NUSAP1: variants seen among roughly 807,000 people sequenced by gnomAD.
NUSAP1 encodes the protein nucleolar and spindle associated protein 1.
A neutral mutation model predicts 52.8 loss-of-function variants in NUSAP1; 32 were observed. The ratio of observed to expected loss-of-function variants is 0.61; its 90% CI spans 0.46 to 0.81. NUSAP1 has a LOEUF of 0.81. Ranked by LOEUF, NUSAP1 falls within the 40% of genes least tolerant of loss-of-function variation. NUSAP1 has a pLI of 0.00. For missense variants in NUSAP1, 499 were observed against 522.3 expected (o/e 0.96, Z 0.43); for synonymous variants, 195 against 183.1 (o/e 1.06, Z -0.52).
In NUSAP1 at chr15:41,353,650, A is replaced by G. The variant is rs1167626221; in HGVS notation, c.449-2389A>G. ...TCAGTGGTTGAAAGAAAAGAAAAAA[A>G]TAATTAAAAAGAGATGAAAGCTCAT... On this transcript the variant is annotated intron_variant, in intron 4 of 10. Coordinates refer to ENST00000559596, the MANE Select transcript of NUSAP1 (RefSeq NM_016359.5). Among the ~76,000 whole-genome samples, 10 of 152,358 alleles carry G rather than the reference A, an allele frequency of 6.6e-5. No homozygotes were observed. In the South Asian group the frequency reaches 1.9e-3, roughly 28 times the overall value.
At chr15:41,367,801 C>G (rs558354802) in intron 7 of NUSAP1, among the ~76,000 whole-genome samples, 1 of 152,288 alleles carries the variant, frequency 6.6e-6, no homozygotes, top group East Asian at 1.9e-4. Flanking sequence ...GCGGGCAGAT[C>G]TGATTCTGGT....
At chr15:41,354,950 G>A (rs1003291956) in intron 4 of NUSAP1, among the ~76,000 whole-genome samples, 3 of 150,658 alleles carry the variant, frequency 2.0e-5, no homozygotes, top group African/African-American at 7.3e-5. Context: ...AACCCGGGAG[G>A]TGGAGCTTGC....
chr15:41,335,029 T>C (rs1324581906), intron 1 of NUSAP1, among the ~76,000 whole-genome samples: 1 of 152,072 alleles, frequency 6.6e-6, no homozygotes, highest in Non-Finnish European at 1.5e-5. Flanking sequence ...TTCTCTCTAC[T>C]TTTTTAGGTT....
intron 2 of NUSAP1, chr15:41,343,535 G>A (rs567001519): frequency 6.6e-6 from 1 of 152,280 alleles, no homozygotes; most frequent in African/African-American, 2.4e-5. Flanking sequence ...TGTATTTTTA[G>A]TAGACACAGG....
At position 41,351,145 on chromosome 15, in the gene NUSAP1, A is replaced by G; in HGVS notation, c.448+16A>G. 6.2e-7 allele frequency: 1 copy of G among 1,602,402 alleles called. No individual in the cohort carries two copies. Among genetic ancestry groups the G allele is most frequent in the Non-Finnish European group, 8.5e-7 (1 of 1,176,934 alleles). On this transcript the variant is annotated intron_variant, in intron 4 of 10. Coordinates refer to ENST00000559596, the MANE Select transcript of NUSAP1 (RefSeq NM_016359.5). ...GTTTCCTCAGGTAAACGTGGAATAA[A>G]TGGTATGTCAAGTAACTTTAAAAAC...
Position 41,365,459 on chromosome 15 carries a change from T to C in NUSAP1, c.718T>C (p.Ser240Pro), listed in dbSNP as rs2049356995. 1 of 1,613,050 alleles carries C rather than the reference T, an allele frequency of 6.2e-7. No individual in the cohort carries two copies. The highest frequency in any genetic ancestry group is 8.5e-7 in the Non-Finnish European group (1 of 1,179,488). The stretch of plus-strand genomic sequence containing the variant: ...TCCAGTACCTCCAAGAGGAAGACTC[T>C]CTGTGGCTTCTACTCCCATCAGCCA... ...RTPVPPRGRL[S>P]VASTPISQRR... The change falls in exon 7 of 11, where the codon TCT becomes CCT. Residue 240 changes from serine (S) to proline (P), a missense_variant. Physicochemically the swap from Ser to Pro is moderately conservative, Grantham distance 74. Transcript: ENST00000559596.
At position 41,351,002 on chromosome 15, in the gene NUSAP1, G is replaced by A; in HGVS notation, c.321G>A (p.Glu107=). 6.2e-7 allele frequency: 1 copy of A among 1,607,530 alleles called. No individual in the cohort carries two copies. Residue 107 remains glutamate (E), a synonymous_variant, in exon 4 of 11, where the codon GAG becomes GAA. Transcript: ENST00000559596. ...TAAATTTGTAGCAGAATCATTCAGA[G>A]ATAAAAATAAGTAATCCCACTGAAT... ...VDPDSQQNHS[E]IKISNPTEFQ...
Position 41,380,191 on chromosome 15 carries a change from T to G in NUSAP1, c.*5T>G. ...CTCATTTTGGCTGAAGATTAATAAT[T>G]TTTTAACATCTTGTAAATATTCCTG... On this transcript the variant is annotated 3_prime_UTR_variant, in exon 11 of 11. Coordinates refer to ENST00000559596, the MANE Select transcript of NUSAP1 (RefSeq NM_016359.5). The G allele has an allele frequency of 6.5e-7, 1 of 1,548,674 alleles. No homozygotes were observed.
chr15:41,377,104 T>A, intron 9 of NUSAP1, 92 bp from the exon 10 acceptor site: 1 of 679,782 alleles, frequency 1.5e-6, no homozygotes, highest in Non-Finnish European at 2.5e-6. Context: ...GTATAAATGT[T>A]GATAGCAGGT....
intron 5 of NUSAP1, among the ~76,000 whole-genome samples, chr15:41,356,512 G>A (rs184272439): frequency 3.3e-5 from 5 of 151,854 alleles, no homozygotes; most frequent in Admixed American, 2.0e-4. Flanking sequence ...GCTCCACCAC[G>A]CCCAGCTGAT....
intron 4 of NUSAP1, 110 bp downstream of exon 4, chr15:41,351,239 C>T (rs1287221186): frequency 9.5e-7 from 1 of 1,054,122 alleles, no homozygotes; most frequent in Non-Finnish European, 1.3e-6. Flanking sequence ...CACAACTGGG[C>T]AGCTTAGAAC....
chr15:41,380,325 G>A lies in NUSAP1; in HGVS notation c.*139G>A. The A allele has an allele frequency of 1.7e-6, 1 of 586,242 alleles. No homozygotes were observed. Among genetic ancestry groups the A allele is most frequent in the South Asian group, 2.1e-5 (1 of 47,118 alleles). 36.3% of individuals were successfully genotyped at this position (586,242 alleles called of 1,614,324 possible). On this transcript the variant is annotated 3_prime_UTR_variant, in exon 11 of 11. Transcript: ENST00000559596. ...TTCATAGTCTGTGTAGTGTCCATGG[G>A]TTCTTCATGTGCTATGATCTCTGAA... is the stretch of plus-strand genomic sequence containing the variant.
chr15:41,371,609 T>A lies in NUSAP1; in HGVS notation c.931T>A (p.Ser311Thr). The stretch of plus-strand genomic sequence containing the variant: ...CAGAAAGTCTGCACATGTGACCGTG[T>A]CTGGGGGCACCCCAAAAGGCGAGGC... ...PARKSAHVTV[S>T]GGTPKGEAVL... Residue 311 changes from serine (S) to threonine (T), a missense_variant, in exon 8 of 11, where the codon TCT becomes ACT. Ser to Thr is a moderately conservative substitution (Grantham distance 58, BLOSUM62 1). Coordinates refer to ENST00000559596, the MANE Select transcript of NUSAP1 (RefSeq NM_016359.5). 1 of 1,612,244 alleles carries A rather than the reference T, an allele frequency of 6.2e-7. No homozygotes were observed.
chr15:41,368,531 T>C (rs2049513350), intron 7 of NUSAP1, among the ~76,000 whole-genome samples: 1 of 152,248 alleles, frequency 6.6e-6, no homozygotes, highest in Admixed American at 6.5e-5. Context: ...TGTTTTTGTT[T>C]ACTTGTAACT....
intron 5 of NUSAP1, among the ~76,000 whole-genome samples, chr15:41,357,536 C>T (rs565295464): frequency 3.3e-5 from 5 of 151,766 alleles, no homozygotes; most frequent in East Asian, 2.0e-4. Flanking sequence ...CTCCACCTCC[C>T]GGGTTCAAGC....
At chr15:41,334,401 C>G (rs535523722) in intron 1 of NUSAP1, among the ~76,000 whole-genome samples, 2 of 152,296 alleles carry the variant, frequency 1.3e-5, no homozygotes, top group East Asian at 3.9e-4. Flanking sequence ...CAGGCGTGAG[C>G]CACCCCACCC....
At chr15:41,356,920 T>C (rs1275676127) in intron 5 of NUSAP1, among the ~76,000 whole-genome samples, 1 of 152,182 alleles carries the variant, frequency 6.6e-6, no homozygotes, top group East Asian at 1.9e-4. Flanking sequence ...TTTATAGTAG[T>C]TGCAATGCTG....
rs758959794 is a variant in NUSAP1, at chr15:41,375,801, C to G, written c.1096C>G (p.Arg366Gly). ...PVFDLKASLSRPLNYEPHKGK... is the reference protein window; with the variant it reads ...PVFDLKASLSGPLNYEPHKGK... Reference sequence around the variant, plus strand: ...GTTTGATCTTAAAGCAAGTTTGTCTCGTCCCCTCAACTATGAACCACACAA... The same window carrying G: ...GTTTGATCTTAAAGCAAGTTTGTCTGGTCCCCTCAACTATGAACCACACAA... Residue 366 changes from arginine to glycine, a missense_variant, in exon 9 of 11, where the codon CGT (arginine) becomes GGT (glycine). Coordinates refer to ENST00000559596, the MANE Select transcript of NUSAP1 (RefSeq NM_016359.5). 6 of 1,612,822 alleles carry G rather than the reference C, an allele frequency of 3.7e-6. No homozygotes were observed. The highest frequency in any genetic ancestry group is 2.5e-6 in the Non-Finnish European group (3 of 1,178,956).
intron 5 of NUSAP1, among the ~76,000 whole-genome samples, chr15:41,357,844 C>G (rs1436341499): frequency 2.6e-5 from 4 of 152,134 alleles, no homozygotes; most frequent in Admixed American, 6.6e-5. Flanking sequence ...ATAAAGACCA[C>G]TTGTGACTAA....
Sources: gnomAD v4.1 joint callset for allele counts (sites outside exome capture counted in the v4.1 genomes callset) on GRCh38, gnomAD v4.1.1 for gene constraint, MANE v1.5 for transcripts, NCBI Gene and HGNC (gene_info 2026-07-23, HGNC 2026-07-21) for gene names.